ZNF430: variants seen among roughly 807,000 people sequenced by gnomAD.
ZNF430 encodes the protein zinc finger protein 430.
ZNF430 carries 35 observed loss-of-function variants against 56.7 expected under a neutral mutation model. That is an observed-to-expected ratio of 0.62 (90% CI 0.47 to 0.82). The LOEUF is 0.82. Ranked by LOEUF, ZNF430 falls within the 40% of genes least tolerant of loss-of-function variation. The pLI, the probability that ZNF430 is intolerant of heterozygous loss-of-function variation, is 0.00. For synonymous variants in ZNF430, 212 were observed against 224.3 expected, an observed-to-expected ratio of 0.94 and a Z score of 0.49; for missense variants, 574 against 661.0, an observed-to-expected ratio of 0.87 and a Z score of 1.44.
rs71174785 is a variant in ZNF430, at chr19:21,021,823, A to ATTTTTTT, written c.4-942_4-936dup. On this transcript the variant is annotated intron_variant, in intron 1 of 4. Coordinates refer to ENST00000261560, the MANE Select transcript of ZNF430 (RefSeq NM_025189.4). Reference sequence around the variant, plus strand: ...TTTCAAAACGATGCGCCTGAGTTAGATTTTTTTTTTTTTTTTTTTTTTTTT... The same window carrying ATTTTTTT: ...TTTCAAAACGATGCGCCTGAGTTAGATTTTTTTTTTTTTTTTTTTTTTTTTTTTTTTT... 1.9e-4 allele frequency among the ~76,000 whole-genome samples: 16 copies of ATTTTTTT among 85,704 alleles called. 1 individual carries two copies. Among genetic ancestry groups the ATTTTTTT allele is most frequent in the African/African-American group, 8.0e-4 (15 of 18,814 alleles). The allele number at this position is 85,704 out of a possible 152,430, so 56.2% of individuals were successfully genotyped here. A position where few individuals can be genotyped will look rare whatever the true frequency, so the allele number is the denominator to read the frequency against.
At position 21,056,681 on chromosome 19, in the gene ZNF430, G is replaced by T. The variant is rs139084188; in HGVS notation, c.373G>T (p.Asp125Tyr). 5.3e-3 allele frequency: 8,368 copies of T among 1,590,964 alleles called. 19 individuals carry two copies. Among genetic ancestry groups the T allele is most frequent in the Non-Finnish European group, 6.4e-3 (7,432 of 1,168,600 alleles). The stretch of plus-strand genomic sequence containing the variant: ...CCTTTGGCCAGAGCAGGGCATAAAA[G>T]ATTCTTTCCAAGAAGTCATATTGAG... ...QDLWPEQGIK[D>Y]SFQEVILRRY... The change falls in exon 5 of 5, where the codon GAT becomes TAT. Residue 125 changes from aspartate to tyrosine, a missense_variant. Around this residue, in one of 3 missense-constraint regions of ZNF430, gnomAD observed 346 missense variants for 399.1 expected, o/e 0.87. Coordinates refer to ENST00000261560, the MANE Select transcript of ZNF430 (RefSeq NM_025189.4).
Position 21,058,092 on chromosome 19 carries a change from C to T in ZNF430, c.*71C>T, listed in dbSNP as rs780897896. 2.2e-6 allele frequency: 3 copies of T among 1,378,460 alleles called. No homozygotes were observed. Among genetic ancestry groups the T allele is most frequent in the Non-Finnish European group, 3.0e-6 (3 of 1,009,308 alleles). 85.4% of individuals were successfully genotyped at this position (1,378,460 alleles called of 1,614,324 possible). A position where few individuals can be genotyped will look rare whatever the true frequency, so the allele number is the denominator to read the frequency against. On this transcript the variant is annotated 3_prime_UTR_variant, in exon 5 of 5. Coordinates refer to ENST00000261560, the MANE Select transcript of ZNF430 (RefSeq NM_025189.4). Reference sequence around the variant, plus strand: ...TAAGAACATTCATACTGAAGAGGAACCCTATGAGTGTGAAGAATATGGCAA... The same window carrying T: ...TAAGAACATTCATACTGAAGAGGAATCCTATGAGTGTGAAGAATATGGCAA...
intron 4 of ZNF430, among the ~76,000 whole-genome samples, chr19:21,055,030 A>T (rs1968349425): frequency 2.0e-5 from 3 of 151,156 alleles, no homozygotes; most frequent in Non-Finnish European, 4.4e-5. Context: ...TTGCCTTCAT[A>T]ATTTCTGTTT....
chr19:21,020,935 G>T, intron 1 of ZNF430, 132 bp downstream of exon 1: 1 of 1,297,988 alleles, frequency 7.7e-7, no homozygotes, highest in Non-Finnish European at 1.1e-6. Context: ...TGCCCAGCTG[G>T]GCCTCAGTCC....
chr19:21,031,763 G>T (rs1208722035), intron 2 of ZNF430, among the ~76,000 whole-genome samples: 2 of 152,044 alleles, frequency 1.3e-5, no homozygotes, highest in African/African-American at 4.8e-5. Context: ...TCAGCTAAAC[G>T]TGTCTCAGAA....
rs763690387 is a variant in ZNF430 at position 21,058,066 on chromosome 19, A to G, written c.*45A>G. ...AACCCGTCCTGAATTCTTACTAAAC[A>G]TAAGAACATTCATACTGAAGAGGAA... On this transcript the variant is annotated 3_prime_UTR_variant, in exon 5 of 5. Coordinates refer to ENST00000261560, the MANE Select transcript of ZNF430 (RefSeq NM_025189.4). 226 of 1,539,386 alleles carry G rather than the reference A, an allele frequency of 1.5e-4. No homozygotes were observed. Among genetic ancestry groups the G allele is most frequent in the Admixed American group, 3.5e-4 (18 of 51,854 alleles).
chr19:21,038,499 C>T (rs916658616), intron 4 of ZNF430, among the ~76,000 whole-genome samples: 1 of 152,112 alleles, frequency 6.6e-6, no homozygotes, highest in Non-Finnish European at 1.5e-5. Flanking sequence ...TCGATCTCAG[C>T]TCACTGCAAC....
intron 2 of ZNF430, among the ~76,000 whole-genome samples, chr19:21,023,450 T>C (rs1967735145): frequency 6.6e-6 from 1 of 152,158 alleles, no homozygotes; most frequent in African/African-American, 2.4e-5. Flanking sequence ...AAGTGGTGGG[T>C]TTAAGAAAAA....
intron 4 of ZNF430, among the ~76,000 whole-genome samples, chr19:21,048,723 T>C (rs373742325): frequency 2.0e-5 from 3 of 151,806 alleles, no homozygotes; most frequent in East Asian, 2.0e-4. Context: ...GGGTGGCGGC[T>C]GGGCAGAGGG....
chr19:21,052,251 G>A (rs1045233132), intron 4 of ZNF430, among the ~76,000 whole-genome samples: 2 of 152,054 alleles, frequency 1.3e-5, no homozygotes, highest in Non-Finnish European at 1.5e-5. Context: ...GGTCTATCAA[G>A]GAGAATGTTG....
chr19:21,058,393 G>A lies in ZNF430; in HGVS notation c.*372G>A. 1 of 181,330 alleles carries A rather than the reference G, an allele frequency of 5.5e-6. No homozygotes were observed. Among genetic ancestry groups the A allele is most frequent in the Non-Finnish European group, 1.2e-5 (1 of 85,728 alleles). 11.2% of individuals were successfully genotyped at this position (181,330 alleles called of 1,614,324 possible). A position where few individuals can be genotyped will look rare whatever the true frequency, so the allele number is the denominator to read the frequency against. ...CGGGAGGCAGAGGTTGAAGTGAGCT[G>A]AGATCGCGCCATTGCACTCCAGCCT... On this transcript the variant is annotated 3_prime_UTR_variant, in exon 5 of 5. Transcript: ENST00000261560.
At chr19:21,023,669 C>T (rs1455338380) in intron 2 of ZNF430, among the ~76,000 whole-genome samples, 1 of 152,034 alleles carries the variant, frequency 6.6e-6, no homozygotes, top group Non-Finnish European at 1.5e-5. Flanking sequence ...TACATTTCTA[C>T]AAGAAAATGT....
rs1968394307 is a variant in ZNF430, at chr19:21,057,192, G to A, written c.884G>A (p.Gly295Asp). ...AAACCCTACAGATGTGAAGAATGTG[G>A]CAAAACCTTTAACCGGTCCTCACAC... is the stretch of plus-strand genomic sequence containing the variant. ...GEKPYRCEEC[G>D]KTFNRSSHLT... Residue 295 changes from glycine to aspartate, a missense_variant, in exon 5 of 5, where the codon GGC (glycine) becomes GAC (aspartate). By Grantham distance (94) the Gly-to-Asp change is moderately conservative. This residue lies in a region of ZNF430 where 346 missense variants were observed against 399.1 expected (regional missense o/e 0.87). Coordinates refer to ENST00000261560, the MANE Select transcript of ZNF430 (RefSeq NM_025189.4). The A allele has an allele frequency of 6.2e-7, 1 of 1,613,638 alleles. No homozygotes were observed. The highest frequency in any genetic ancestry group is 1.3e-5 in the African/African-American group (1 of 74,886).
At position 21,037,422 on chromosome 19, in the gene ZNF430, T is replaced by C. The variant is rs112020782; in HGVS notation, c.322+3238T>C. Among the ~76,000 whole-genome samples, 155 of 152,258 alleles carry C rather than the reference T, an allele frequency of 1.0e-3. 1 individual carries two copies. Among genetic ancestry groups the C allele is most frequent in the African/African-American group, 3.2e-3 (133 of 41,538 alleles). ...TGTGAGTCACACGCTTGGCAAGATT[T>C]TGTTTTTTAAGACTGAATAATATTT... On this transcript the variant is annotated intron_variant, in intron 4 of 4. Transcript: ENST00000261560.
chr19:21,055,093 A>G (rs1014903653), intron 4 of ZNF430, among the ~76,000 whole-genome samples: 1 of 151,604 alleles, frequency 6.6e-6, no homozygotes, highest in African/African-American at 2.4e-5. Flanking sequence ...GATTTTCTGT[A>G]GTTCTCTATG....
At chr19:21,026,864 G>C (rs1333820513) in intron 2 of ZNF430, among the ~76,000 whole-genome samples, 9 of 97,532 alleles carry the variant, frequency 9.2e-5, no homozygotes, top group African/African-American at 3.7e-4. Context: ...ACAGAGTCTT[G>C]CTCTCGCCAG....
chr19:21,041,148 G>A (rs1366979651), intron 4 of ZNF430, among the ~76,000 whole-genome samples: 3 of 152,034 alleles, frequency 2.0e-5, no homozygotes, highest in African/African-American at 7.2e-5. Context: ...CTATTTTTGA[G>A]ATAGAGTCTC....
chr19:21,036,642 T>C (rs1313055426), intron 4 of ZNF430: 1 of 152,002 alleles, frequency 6.6e-6, no homozygotes, highest in Non-Finnish European at 1.5e-5. Context: ...CTCTACAAAA[T>C]GTTTTTTAAA....
chr19:21,056,569 T>C (rs989302686), intron 4 of ZNF430, 62 bp from the exon 5 acceptor site: 1 of 1,245,116 alleles, frequency 8.0e-7, no homozygotes, highest in African/African-American at 1.5e-5. Flanking sequence ...TGGGTTAGAT[T>C]TGTAAAGCAT....
Sources: allele counts gnomAD v4.1 joint callset (sites outside exome capture counted in the v4.1 genomes callset), GRCh38; gene constraint gnomAD v4.1.1; regional missense constraint gnomAD v4.1.1; transcripts MANE v1.5; gene names NCBI Gene and HGNC (gene_info 2026-07-23, HGNC 2026-07-21).